Variants in MORN1 observed in about 807,000 individuals in gnomAD.
MORN1 encodes MORN repeat containing 1.
A neutral mutation model predicts 61.9 loss-of-function variants in MORN1; 67 were observed. That is an observed-to-expected ratio of 1.08 (90% confidence interval 0.89 to 1.33). The LOEUF is 1.33. Among genes scored for constraint, MORN1 ranks in the 40% most tolerant of loss-of-function variants. The pLI, the probability that MORN1 is intolerant of heterozygous loss-of-function variation, is 0.00. For missense variants in MORN1, 752 were observed against 691.2 expected (o/e 1.09, Z -0.99); for synonymous variants, 301 against 292.0 (o/e 1.03, Z -0.31).
intron 12 of MORN1, among the ~76,000 whole-genome samples, chr1:2,327,884 C>T (rs1011702032): frequency 2.6e-5 from 4 of 152,270 alleles, no homozygotes; most frequent in African/African-American, 4.8e-5. Flanking sequence ...CCTCGGCGTC[C>T]CCGCATGAGC....
chr1:2,345,472 A>G (rs187502592), intron 10 of MORN1, among the ~76,000 whole-genome samples: 18 of 152,324 alleles, frequency 1.2e-4, no homozygotes, highest in Admixed American at 1.1e-3. Flanking sequence ...GGCTCTGAAC[A>G]ACAAGGGCCA....
chr1:2,390,749 GCT>G (rs1642631828), intron 1 of MORN1: 2 of 983,942 alleles, frequency 2.0e-6, no homozygotes, highest in East Asian at 1.2e-4. Flanking sequence ...ATCAAAACCT[GCT>G]CTTTTTTTTT....
chr1:2,374,510 G>A lies in MORN1; in HGVS notation c.585C>T (p.His195=), dbSNP rs1642192515. 5.6e-6 allele frequency: 9 copies of A among 1,604,152 alleles called. 1 individual carries two copies. The highest frequency in any genetic ancestry group is 1.7e-5 in the Admixed American group (1 of 58,320). ...DVFSGLGSMA[H]CSGVTYYGLW... Reference sequence around the variant, plus strand: ...ACCCATAATAGGTGACCCCTGAGCAGTGGGCCATGCTGCCCAGTCCACTGA... The same window carrying A: ...ACCCATAATAGGTGACCCCTGAGCAATGGGCCATGCTGCCCAGTCCACTGA... The change falls in exon 7 of 14, where the codon CAC becomes CAT. Residue 195 remains histidine (H), a synonymous_variant. Transcript: ENST00000378531.
intron 10 of MORN1, among the ~76,000 whole-genome samples, chr1:2,355,855 C>T (rs763065251): frequency 4.6e-5 from 7 of 152,194 alleles, no homozygotes; most frequent in Admixed American, 2.0e-4. Flanking sequence ...TGTGGCTGGC[C>T]GGGCTGGGGT....
intron 2 of MORN1, among the ~76,000 whole-genome samples, chr1:2,388,755 G>T (rs1212449209): frequency 7.1e-6 from 1 of 140,174 alleles, no homozygotes; most frequent in Admixed American, 7.7e-5. Flanking sequence ...TCCAGCCTGG[G>T]CGACAGAGCA....
chr1:2,331,805 GGCTGCGCCTCTCCCGCC>G (rs937106229), intron 12 of MORN1, among the ~76,000 whole-genome samples: 8 of 146,468 alleles, frequency 5.5e-5, no homozygotes, highest in African/African-American at 1.3e-4. Flanking sequence ...CCTCTCCCGC[GGCTGCGCCTCTCCCGCC>G]GCTGCGCCTC....
At chr1:2,383,201 A>G (rs1642411063) in intron 6 of MORN1, among the ~76,000 whole-genome samples, 1 of 152,212 alleles carries the variant, frequency 6.6e-6, no homozygotes, top group Admixed American at 6.5e-5. Context: ...CAACAAGTGC[A>G]ATGCCAGGCT....
intron 2 of MORN1, 101 bp downstream of exon 2, chr1:2,389,824 G>A: frequency 9.7e-7 from 1 of 1,028,336 alleles, no homozygotes; most frequent in East Asian, 2.4e-5. Context: ...GGGCTCGAAA[G>A]CTACAGGAAA....
chr1:2,362,325 G>A lies in MORN1; in HGVS notation c.746-3610C>T, dbSNP rs147203404. On this transcript the variant is annotated intron_variant, in intron 8 of 13. Coordinates refer to ENST00000378531, the MANE Select transcript of MORN1 (RefSeq NM_024848.3). ...GTCTTCACATTGAATACACTGAGGA[G>A]GAGGAGGAAGAAGAGGGGTTGGTCT... Among the ~76,000 whole-genome samples, 123 of 152,328 alleles carry A rather than the reference G, an allele frequency of 8.1e-4. 1 individual carries two copies. In the East Asian group the frequency reaches 0.017, roughly 21 times the overall value.
intron 8 of MORN1, among the ~76,000 whole-genome samples, chr1:2,360,607 C>T (rs556975992): frequency 9.9e-5 from 15 of 152,228 alleles, no homozygotes; most frequent in African/African-American, 2.9e-4. Flanking sequence ...GGCAGAGCAG[C>T]GAAGAGGAGA....
At chr1:2,338,232 A>C (rs60634415) in intron 10 of MORN1, among the ~76,000 whole-genome samples, 6,246 of 152,286 alleles carry the variant, frequency 0.041, 419 homozygotes, top group African/African-American at 0.14. Flanking sequence ...TGGGAGAATT[A>C]TCTCTCTCAG....
rs1254031468 is a variant in MORN1 at position 2,349,637 on chromosome 1, CAATT to C, written c.1036+7791_1036+7794del. Reference sequence around the variant, plus strand: ...CTACTCTGCCATAATTAACCATAGACAATTAATATTTAAAGCTGTTATCACCCCA... The same window carrying C: ...CTACTCTGCCATAATTAACCATAGACAATATTTAAAGCTGTTATCACCCCA... On this transcript the variant is annotated intron_variant, in intron 10 of 13. Coordinates refer to ENST00000378531, the MANE Select transcript of MORN1 (RefSeq NM_024848.3). Among the ~76,000 whole-genome samples the C allele has an allele frequency of 2.0e-5, 3 of 152,232 alleles. No homozygotes were observed. The South Asian group carries it at 6.2e-4, about 32-fold the overall frequency.
intron 10 of MORN1, among the ~76,000 whole-genome samples, chr1:2,344,387 C>T (rs1490579008): frequency 1.3e-5 from 2 of 152,236 alleles, no homozygotes; most frequent in Non-Finnish European, 2.9e-5. Flanking sequence ...CCGAGCGTCC[C>T]CCACAGGGCC....
At chr1:2,329,090 G>T (rs766315726) in intron 12 of MORN1, among the ~76,000 whole-genome samples, 2 of 152,174 alleles carry the variant, frequency 1.3e-5, no homozygotes, top group African/African-American at 2.4e-5. Context: ...TTCAGGCCTT[G>T]AAAAGCCTGA....
At chr1:2,377,509 G>T (rs1642268853) in intron 6 of MORN1, 1 of 152,418 alleles carries the variant, frequency 6.6e-6, no homozygotes, top group Non-Finnish European at 1.5e-5. Context: ...GGCTCGGCTG[G>T]TGCAGGGACT....
intron 3 of MORN1, chr1:2,388,033 G>C (rs527761456): frequency 1.5e-5 from 8 of 531,430 alleles, no homozygotes; most frequent in Non-Finnish European, 2.3e-5. Context: ...CTTTATTCTA[G>C]AAAAGTGTCT....
chr1:2,347,919 C>T (rs556027029), intron 10 of MORN1, among the ~76,000 whole-genome samples: 1 of 152,224 alleles, frequency 6.6e-6, no homozygotes, highest in Non-Finnish European at 1.5e-5. Context: ...GCTGAATTTG[C>T]TCCTCACTCC....
chr1:2,353,924 T>C (rs563766510), intron 10 of MORN1, among the ~76,000 whole-genome samples: 13 of 152,330 alleles, frequency 8.5e-5, no homozygotes, highest in South Asian at 4.1e-4. Context: ...TGGATCATGG[T>C]TGGGAAGCAG....
At chr1:2,327,157 AACAC>A (rs1349350477) in intron 12 of MORN1, among the ~76,000 whole-genome samples, 1 of 113,594 alleles carries the variant, frequency 8.8e-6, no homozygotes, top group Admixed American at 8.4e-5. Flanking sequence ...CAGAAACAGA[AACAC>A]ACAGACAGAA....
Sources: allele counts gnomAD v4.1 joint callset (sites outside exome capture counted in the v4.1 genomes callset), GRCh38; gene constraint gnomAD v4.1.1; transcripts MANE v1.5; gene names NCBI Gene and HGNC (gene_info 2026-07-23, HGNC 2026-07-21).